Variants in HAT1 observed in about 807,000 individuals in gnomAD.
The protein encoded by HAT1 is histone acetyltransferase 1.
A neutral mutation model predicts 56.6 loss-of-function variants in HAT1; 20 were observed. The observed-to-expected ratio is 0.35, with a 90% confidence interval of 0.25 to 0.51. The LOEUF (loss-of-function observed/expected upper bound fraction) is 0.51, where lower values mean the gene tolerates loss of function less well. HAT1 is among the 20% of genes least tolerant of loss of function. The pLI is 0.95. For synonymous variants in HAT1, 146 were observed against 165.5 expected (o/e 0.88, Z 0.91); for missense variants, 408 against 504.3 (o/e 0.81, Z 1.83).
chr2:171,961,549 T>C (rs1687575236), intron 4 of HAT1, among the ~76,000 whole-genome samples: 2 of 150,398 alleles, frequency 1.3e-5, no homozygotes, highest in Non-Finnish European at 2.9e-5. Flanking sequence ...TTATGGAGTG[T>C]TTAGCCTCTT....
At chr2:171,965,998 A>G in intron 6 of HAT1, 90 bp downstream of exon 6, 1 of 1,144,962 alleles carries the variant, frequency 8.7e-7, no homozygotes, top group Non-Finnish European at 1.3e-6. Flanking sequence ...GGACAGTATA[A>G]TGATATTTTT....
chr2:171,973,057 C>G (rs1687859072), intron 8 of HAT1, among the ~76,000 whole-genome samples: 1 of 152,146 alleles, frequency 6.6e-6, no homozygotes, highest in South Asian at 2.1e-4. Flanking sequence ...CATCTTCATT[C>G]TCAGGCAATC....
At chr2:171,974,578 G>A (rs149167257) in intron 8 of HAT1, among the ~76,000 whole-genome samples, 1 of 151,984 alleles carries the variant, frequency 6.6e-6, no homozygotes, top group Non-Finnish European at 1.5e-5. Flanking sequence ...TTTCTTACCC[G>A]ATTGCTTAGC....
chr2:171,934,343 A>G (rs1686813659), intron 2 of HAT1, among the ~76,000 whole-genome samples: 1 of 152,188 alleles, frequency 6.6e-6, no homozygotes, highest in Admixed American at 6.5e-5. Context: ...TGACAATGTA[A>G]GAGGGGTAAG....
chr2:171,926,691 A>G (rs1056953712), intron 2 of HAT1, among the ~76,000 whole-genome samples: 2 of 152,210 alleles, frequency 1.3e-5, no homozygotes, highest in Non-Finnish European at 2.9e-5. Flanking sequence ...GGCCTCCCAA[A>G]GTGTTGGGAT....
intron 4 of HAT1, among the ~76,000 whole-genome samples, chr2:171,961,852 G>A (rs571703964): frequency 2.0e-4 from 30 of 150,038 alleles, no homozygotes; most frequent in Admixed American, 1.7e-3. Context: ...GAGAACATGA[G>A]ATTGAGAACA....
chr2:171,942,414 A>G (rs1687040787), intron 2 of HAT1, among the ~76,000 whole-genome samples: 2 of 151,962 alleles, frequency 1.3e-5, no homozygotes, highest in African/African-American at 4.8e-5. Flanking sequence ...TTTATTATGT[A>G]TTCATTTCTA....
At chr2:171,939,762 C>T (rs1385802841) in intron 2 of HAT1, among the ~76,000 whole-genome samples, 5 of 151,518 alleles carry the variant, frequency 3.3e-5, no homozygotes, top group African/African-American at 4.8e-5. Context: ...TGAAATAGTG[C>T]GTAGACTCAC....
intron 3 of HAT1, among the ~76,000 whole-genome samples, chr2:171,949,505 C>T (rs900403884): frequency 1.3e-5 from 2 of 151,996 alleles, no homozygotes; most frequent in Admixed American, 6.6e-5. Flanking sequence ...GGTGAAACCA[C>T]GTCTCTACTA....
At chr2:171,977,430 C>G (rs1188844875) in intron 9 of HAT1, among the ~76,000 whole-genome samples, 1 of 147,118 alleles carries the variant, frequency 6.8e-6, no homozygotes, top group Non-Finnish European at 1.5e-5. Context: ...CCACTACACT[C>G]CAGCCTGGGC....
chr2:171,966,746 CA>C, intron 7 of HAT1, 96 bp from the exon 8 acceptor site: 1 of 663,690 alleles, frequency 1.5e-6, no homozygotes. Flanking sequence ...AAAAAGATCA[CA>C]CAAACTTTAA....
chr2:171,942,743 C>T (rs538755595), intron 2 of HAT1, among the ~76,000 whole-genome samples: 9 of 152,140 alleles, frequency 5.9e-5, no homozygotes, highest in East Asian at 3.9e-4. Context: ...ACCTTAGATC[C>T]GCCAAATACC....
chr2:171,922,532 A>C, intron 1 of HAT1, 25 bp downstream of exon 1: 2 of 1,316,254 alleles, frequency 1.5e-6, no homozygotes, highest in Admixed American at 3.1e-5. Context: ...AAAGTTTACC[A>C]AGGGGAGGAG....
chr2:171,929,825 G>A (rs1686692946), intron 2 of HAT1, among the ~76,000 whole-genome samples: 1 of 152,144 alleles, frequency 6.6e-6, no homozygotes, highest in African/African-American at 2.4e-5. Context: ...GTACTGTCTG[G>A]ATTAGTGTAA....
intron 4 of HAT1, among the ~76,000 whole-genome samples, chr2:171,964,645 T>C (rs1687644355): frequency 6.6e-6 from 1 of 152,122 alleles, no homozygotes; most frequent in African/African-American, 2.4e-5. Flanking sequence ...GATTATGAAG[T>C]CTGCTCAGCT....
chr2:171,953,626 TAAAA>T (rs587686867), intron 4 of HAT1, among the ~76,000 whole-genome samples: 863 of 84,562 alleles, frequency 0.01, 11 homozygotes, highest in African/African-American at 0.034. Context: ...CCCTGTCTCT[TAAAA>T]AAAAAAAAAA....
intron 4 of HAT1, among the ~76,000 whole-genome samples, chr2:171,955,073 A>G (rs1347326856): frequency 6.6e-6 from 1 of 152,236 alleles, no homozygotes; most frequent in Non-Finnish European, 1.5e-5. Flanking sequence ...TACTGATTTC[A>G]GAACACCTCC....
intron 2 of HAT1, among the ~76,000 whole-genome samples, chr2:171,934,036 AT>A (rs1686806440): frequency 6.6e-6 from 1 of 152,062 alleles, no homozygotes; most frequent in Non-Finnish European, 1.5e-5. Flanking sequence ...TGCTTGATGT[AT>A]TTGCAGCTCT....
At chr2:171,961,030 T>C (rs1687559312) in intron 4 of HAT1, among the ~76,000 whole-genome samples, 1 of 152,028 alleles carries the variant, frequency 6.6e-6, no homozygotes, top group Non-Finnish European at 1.5e-5. Context: ...TGGTCCTAGC[T>C]ACTCAGGAGG....
Sources: gnomAD v4.1 joint callset for allele counts (sites outside exome capture counted in the v4.1 genomes callset) on GRCh38, gnomAD v4.1.1 for gene constraint, MANE v1.5 for transcripts, NCBI Gene and HGNC (gene_info 2026-07-23, HGNC 2026-07-21) for gene names.